The following DCAF10 variants were observed in gnomAD, a reference collection of about 807,000 sequenced individuals.
The protein encoded by DCAF10 is DDB1- and CUL4-associated factor 10.
A neutral mutation model predicts 51.9 loss-of-function variants in DCAF10; 19 were observed. That is an observed-to-expected ratio of 0.37 (90% CI 0.26 to 0.54). The LOEUF (loss-of-function observed/expected upper bound fraction) is 0.54. Among genes scored for constraint, DCAF10 ranks in the 20% least tolerant of loss-of-function variants. The pLI is 0.87. For missense variants in DCAF10, 510 were observed against 730.6 expected (o/e 0.70, Z 3.48); for synonymous variants, 291 against 297.1 (o/e 0.98, Z 0.21).
chr9:37,826,820 CTTTTTT>C lies in DCAF10; in HGVS notation c.653+7436_653+7441del. On this transcript the variant is annotated intron_variant, in intron 2 of 6. Coordinates refer to ENST00000377724, the MANE Select transcript of DCAF10 (RefSeq NM_024345.5). ...AACATACACCCAAATACCACAATAC[CTTTTTT>C]TTTTTTTTTTTTTTTTGAGATGGAG... 3.2e-5 allele frequency among the ~76,000 whole-genome samples: 4 copies of C among 123,820 alleles called. No individual in the cohort carries two copies. In the East Asian group the frequency reaches 8.7e-4, roughly 27 times the overall value. The allele number at this position is 123,820 out of a possible 152,430, so 81.2% of individuals were successfully genotyped here.
intron 1 of DCAF10, among the ~76,000 whole-genome samples, chr9:37,809,964 A>G (rs962671769): frequency 1.3e-5 from 2 of 152,154 alleles, no homozygotes; most frequent in Admixed American, 6.5e-5. Flanking sequence ...CAGCCTGGCT[A>G]ACATGGTGAA....
At chr9:37,837,906 C>T (rs977975530) in intron 2 of DCAF10, among the ~76,000 whole-genome samples, 8 of 151,626 alleles carry the variant, frequency 5.3e-5, no homozygotes, top group Non-Finnish European at 1.5e-5. Context: ...TGCCCATAGT[C>T]CCAGCTACTC....
chr9:37,818,419 G>A (rs1829609807), intron 1 of DCAF10, among the ~76,000 whole-genome samples: 1 of 152,052 alleles, frequency 6.6e-6, no homozygotes, highest in Admixed American at 6.6e-5. Flanking sequence ...AAAATACACA[G>A]GATTTCATTT....
intron 2 of DCAF10, among the ~76,000 whole-genome samples, chr9:37,833,708 G>A (rs1830067438): frequency 1.3e-5 from 2 of 152,292 alleles, no homozygotes; most frequent in South Asian, 4.1e-4. Flanking sequence ...ATTTCAGTGT[G>A]TTTGAAGGGT....
chr9:37,822,873 C>CAGGA (rs1829748019), intron 2 of DCAF10, among the ~76,000 whole-genome samples: 2 of 152,124 alleles, frequency 1.3e-5, no homozygotes, highest in African/African-American at 4.8e-5. Context: ...GAGGCTGAGG[C>CAGGA]AGGAGGATCA....
At chr9:37,837,363 G>A (rs1256569864) in intron 2 of DCAF10, among the ~76,000 whole-genome samples, 1 of 151,290 alleles carries the variant, frequency 6.6e-6, no homozygotes, top group African/African-American at 2.4e-5. Flanking sequence ...GGAGGCCGAG[G>A]CAGGAGAATC....
intron 2 of DCAF10, among the ~76,000 whole-genome samples, chr9:37,837,564 C>CT (rs1380300019): frequency 1.3e-5 from 2 of 151,748 alleles, no homozygotes; most frequent in East Asian, 3.9e-4. Flanking sequence ...AAATGTCACT[C>CT]TGTTTGTTAG....
At chr9:37,843,191 A>AT (rs1046995154) in intron 3 of DCAF10, among the ~76,000 whole-genome samples, 1 of 151,758 alleles carries the variant, frequency 6.6e-6, no homozygotes, top group African/African-American at 2.4e-5. Flanking sequence ...CTAATTTTTT[A>AT]TTTTTTGTAG....
chr9:37,864,815 A>G lies in DCAF10; in HGVS notation c.*3307A>G, dbSNP rs1831104096. On this transcript the variant is annotated 3_prime_UTR_variant, in exon 7 of 7. Coordinates refer to ENST00000377724, the MANE Select transcript of DCAF10 (RefSeq NM_024345.5). The stretch of plus-strand genomic sequence containing the variant: ...ACTATAGAGTACCTATCATGTGTCA[A>G]ATAATATACAGACTTCACTACTAAC... 6.6e-6 allele frequency: 1 copy of G among 152,162 alleles called. No individual in the cohort carries two copies. Among genetic ancestry groups the G allele is most frequent in the African/African-American group, 2.4e-5 (1 of 41,434 alleles). 9.4% of individuals were successfully genotyped at this position (152,162 alleles called of 1,614,324 possible).
rs902897178 is a variant in DCAF10 at position 37,801,070 on chromosome 9, C to T, written c.204C>T (p.Ser68=). The change falls in exon 1 of 7, where the codon TCC becomes TCT. Residue 68 remains serine, a synonymous_variant. Transcript: ENST00000377724. This position sits in a 1 kb window ranked among gnomAD's most constrained non-coding sequence, Gnocchi z 5.5. ...CATCGCTGTCCCCGGCCCCGCGCTCCGGAGAGCTAGGGCTGCCTGGAGCTC... is the reference window on the plus strand; with the variant it reads ...CATCGCTGTCCCCGGCCCCGCGCTCTGGAGAGCTAGGGCTGCCTGGAGCTC... ...GAPSLSPAPR[S]GELGLPGAPE... is the part of the protein sequence containing the mutation. 6.5e-6 allele frequency: 10 copies of T among 1,531,774 alleles called. No homozygotes were observed. In the East Asian group the frequency reaches 7.7e-5, roughly 12 times the overall value. 94.9% of individuals were successfully genotyped at this position (1,531,774 alleles called of 1,614,324 possible). A position where few individuals can be genotyped will look rare whatever the true frequency, so the allele number is the denominator to read the frequency against.
intron 4 of DCAF10, among the ~76,000 whole-genome samples, chr9:37,856,110 C>A (rs1830841201): frequency 6.6e-6 from 1 of 151,990 alleles, no homozygotes. Flanking sequence ...ATGATTGTGC[C>A]CCACTGCCCT....
intron 1 of DCAF10, among the ~76,000 whole-genome samples, chr9:37,802,053 T>C (rs1350922919): frequency 6.6e-6 from 1 of 152,214 alleles, no homozygotes; most frequent in African/African-American, 2.4e-5. Context: ...GTCTTGTCAG[T>C]ACACAAGTCC....
chr9:37,835,877 T>C (rs538865418), intron 2 of DCAF10, among the ~76,000 whole-genome samples: 1 of 152,358 alleles, frequency 6.6e-6, no homozygotes, highest in African/African-American at 2.4e-5. Context: ...GTGAAATCCT[T>C]TGGAACATCA....
At chr9:37,848,690 G>A (rs1053387467) in intron 3 of DCAF10, among the ~76,000 whole-genome samples, 1 of 151,928 alleles carries the variant, frequency 6.6e-6, no homozygotes, top group Non-Finnish European at 1.5e-5. Flanking sequence ...ACTTAATTGC[G>A]GCCTGGCATG....
chr9:37,817,510 A>G (rs1018901166), intron 1 of DCAF10, among the ~76,000 whole-genome samples: 7 of 152,064 alleles, frequency 4.6e-5, no homozygotes, highest in Admixed American at 2.0e-4. Flanking sequence ...AGGCAGGAGA[A>G]TCACTTGAAC....
At position 37,865,595 on chromosome 9, in the gene DCAF10, C is replaced by T. The variant is rs139856338; in HGVS notation, c.*4087C>T. On this transcript the variant is annotated 3_prime_UTR_variant, in exon 7 of 7. Transcript: ENST00000377724. ...TGTTCTACTGTTTTAAAAAGTTTTCCGCAGAACAGTGCATTTATGGCAATG... is the reference window on the plus strand; with the variant it reads ...TGTTCTACTGTTTTAAAAAGTTTTCTGCAGAACAGTGCATTTATGGCAATG... The T allele has an allele frequency of 4.6e-4, 70 of 152,104 alleles. No individual in the cohort carries two copies. Among genetic ancestry groups the T allele is most frequent in the African/African-American group, 1.4e-3 (60 of 41,486 alleles). The allele number at this position is 152,104 out of a possible 1,614,324, so 9.4% of individuals were successfully genotyped here.
At chr9:37,810,365 G>C (rs974843905) in intron 1 of DCAF10, among the ~76,000 whole-genome samples, 5 of 152,214 alleles carry the variant, frequency 3.3e-5, no homozygotes, top group African/African-American at 9.6e-5. Context: ...CCAGTGATGT[G>C]AGCCCAGCAT....
chr9:37,816,659 GGTGTGTGTGTGT>G (rs1554685707), intron 1 of DCAF10, among the ~76,000 whole-genome samples: 20 of 144,984 alleles, frequency 1.4e-4, no homozygotes, highest in Middle Eastern at 7.3e-3. Context: ...CTGCACCTGG[GGTGTGTGTGTGT>G]GTGTGTGTGT....
intron 2 of DCAF10, among the ~76,000 whole-genome samples, chr9:37,820,317 G>T: frequency 6.6e-6 from 1 of 152,148 alleles, no homozygotes; most frequent in East Asian, 1.9e-4. Flanking sequence ...TTTAAACGGG[G>T]CTGAAACCAC....
Sources: allele counts gnomAD v4.1 joint callset (sites outside exome capture counted in the v4.1 genomes callset), GRCh38; gene constraint gnomAD v4.1.1; non-coding constraint Gnocchi (gnomAD v3.1); transcripts MANE v1.5; gene names NCBI Gene and HGNC (gene_info 2026-07-23, HGNC 2026-07-21).